The following NFATC2 variants were observed in gnomAD, a reference collection of about 807,000 sequenced individuals.
The protein encoded by NFATC2 is nuclear factor of activated T-cells, cytoplasmic 2.
A neutral mutation model predicts 87.3 loss-of-function variants in NFATC2; 22 were observed. The observed-to-expected ratio is 0.25, with a 90% confidence interval of 0.18 to 0.36. NFATC2 has a LOEUF of 0.36. Among genes scored for constraint, NFATC2 ranks in the 10% least tolerant of loss-of-function variants. The probability of loss-of-function intolerance (pLI) is 1.00; values close to 1 mark genes in which losing one functional copy is unlikely to be tolerated. For missense variants in NFATC2, 1,149 were observed against 1,259.1 expected (o/e 0.91, Z 1.32); for synonymous variants, 565 against 542.2 (o/e 1.04, Z -0.58).
chr20:51,540,510 G>A (rs754796272), intron 1 of NFATC2, among the ~76,000 whole-genome samples: 1 of 152,094 alleles, frequency 6.6e-6, no homozygotes, highest in Non-Finnish European at 1.5e-5. Flanking sequence ...GTCAATATTG[G>A]TTTGTTGGTT....
intron 3 of NFATC2, among the ~76,000 whole-genome samples, chr20:51,501,714 G>C (rs2076092299): frequency 6.6e-6 from 1 of 152,138 alleles, no homozygotes; most frequent in Admixed American, 6.5e-5. Context: ...ACAGATTGTG[G>C]AATTACTGAT....
chr20:51,391,823 T>C (rs1986387328), intron 10 of NFATC2, among the ~76,000 whole-genome samples: 2 of 152,138 alleles, frequency 1.3e-5, no homozygotes, highest in African/African-American at 4.8e-5. Flanking sequence ...TCTCTATTTT[T>C]TTTAAATACT....
intron 1 of NFATC2, among the ~76,000 whole-genome samples, chr20:51,538,713 C>T (rs947239828): frequency 3.3e-5 from 5 of 152,188 alleles, no homozygotes; most frequent in Non-Finnish European, 7.3e-5. Flanking sequence ...CAAGGGTTTA[C>T]TAAACCACTA....
At chr20:51,556,791 A>G (rs1357539396) in intron 1 of NFATC2, among the ~76,000 whole-genome samples, 1 of 152,178 alleles carries the variant, frequency 6.6e-6, no homozygotes, top group Non-Finnish European at 1.5e-5. Context: ...CCGGAGTGTC[A>G]GGGGAAAGAA....
At chr20:51,550,506 G>A (rs1004298783) in intron 1 of NFATC2, among the ~76,000 whole-genome samples, 17 of 152,034 alleles carry the variant, frequency 1.1e-4, no homozygotes, top group African/African-American at 4.1e-4. Context: ...CAGGAGAATC[G>A]CTTGAACCTG....
chr20:51,543,309 C>T (rs886910913), upstream of NFATC2, among the ~76,000 whole-genome samples: 2 of 152,170 alleles, frequency 1.3e-5, no homozygotes, highest in African/African-American at 4.8e-5. Flanking sequence ...CTGTTGCCCT[C>T]GGAAGCTCAG....
intron 1 of NFATC2, among the ~76,000 whole-genome samples, chr20:51,541,960 T>A (rs1346194036): frequency 6.6e-6 from 1 of 151,990 alleles, no homozygotes; most frequent in Non-Finnish European, 1.5e-5. Flanking sequence ...TTTTGGCAAC[T>A]CCTCCCTGCT....
At chr20:51,417,437 C>G (rs1289934816) in intron 9 of NFATC2, among the ~76,000 whole-genome samples, 1 of 152,154 alleles carries the variant, frequency 6.6e-6, no homozygotes, top group Non-Finnish European at 1.5e-5. Context: ...TCCACACAAA[C>G]CACGTTTCCT....
chr20:51,556,852 C>T (rs372248529), intron 1 of NFATC2, among the ~76,000 whole-genome samples: 2 of 152,100 alleles, frequency 1.3e-5, no homozygotes, highest in African/African-American at 2.4e-5. Flanking sequence ...AAAGGAGCCC[C>T]GGATAGGTCC....
chr20:51,428,648 G>A (rs1331422984), intron 9 of NFATC2, among the ~76,000 whole-genome samples: 2 of 152,180 alleles, frequency 1.3e-5, no homozygotes, highest in Admixed American at 6.5e-5. Context: ...AGAGCCGGGG[G>A]CTTCCCTGGA....
At chr20:51,431,487 G>A (rs112757731) in intron 9 of NFATC2, among the ~76,000 whole-genome samples, 102 of 152,246 alleles carry the variant, frequency 6.7e-4, no homozygotes, top group African/African-American at 2.2e-3. Flanking sequence ...TCACCACAGC[G>A]GAAGCCCACT....
At chr20:51,396,033 AGTAT>A (rs1331304403) in intron 10 of NFATC2, among the ~76,000 whole-genome samples, 559 of 46,210 alleles carry the variant, frequency 0.012, 29 homozygotes, top group African/African-American at 0.07. Flanking sequence ...GTCAGCTCCT[AGTAT>A]GTATATATAT....
Position 51,408,512 on chromosome 20 carries a change from T to TAAAA in NFATC2, c.2723-9786_2723-9783dup, listed in dbSNP as rs11480882. Among the ~76,000 whole-genome samples the TAAAA allele has an allele frequency of 1.1e-3, 155 of 137,254 alleles. 3 individuals carry two copies. Among genetic ancestry groups the TAAAA allele is most frequent in the East Asian group, 5.6e-3 (27 of 4,850 alleles). The allele number at this position is 137,254 out of a possible 152,430, so 90.0% of individuals were successfully genotyped here. A position where few individuals can be genotyped will look rare whatever the true frequency, so the allele number is the denominator to read the frequency against. ...CTGGGGGACTGAGCAAGACTCTTTT[T>TAAAA]AAAAAAAAAAAAAAAAAAAGCCAGA... On this transcript the variant is annotated intron_variant, in intron 9 of 10. Transcript: ENST00000371564.
chr20:51,556,055 T>A (rs1192611874), intron 1 of NFATC2, among the ~76,000 whole-genome samples: 1 of 152,022 alleles, frequency 6.6e-6, no homozygotes, highest in Non-Finnish European at 1.5e-5. Flanking sequence ...AGAAGAGGAA[T>A]CAACGCACAT....
At position 51,458,929 on chromosome 20, in the gene NFATC2, T is replaced by G. The variant is rs6096440; in HGVS notation, c.1709-4241A>C. The stretch of plus-strand genomic sequence containing the variant: ...AGCTGCAAGAGAATACATCATTAAC[T>G]GCTGCTTGGGCTCCGGGGTCAGAAA... On this transcript the variant is annotated intron_variant, in intron 5 of 10. Transcript: ENST00000371564. 9.0e-3 allele frequency among the ~76,000 whole-genome samples: 1,374 copies of G among 152,306 alleles called. 26 individuals are homozygous for G. The highest frequency in any genetic ancestry group is 0.031 in the African/African-American group (1,281 of 41,552).
At chr20:51,440,227 A>G (rs1984133379) in intron 6 of NFATC2, among the ~76,000 whole-genome samples, 1 of 101,612 alleles carries the variant, frequency 9.8e-6, no homozygotes, top group African/African-American at 4.1e-5. Context: ...CAAGAGCAAA[A>G]CTCCATCTCA....
At position 51,394,912 on chromosome 20, in the gene NFATC2, G is replaced by C. The variant is rs144607165; in HGVS notation, c.*45-3461C>G. ...CATTCCTGCCATGGTGCCCTCACTC[G>C]CTCCAAAAGCAAGTACTAAATTTCC... On this transcript the variant is annotated intron_variant, in intron 10 of 10. Coordinates refer to ENST00000371564, the MANE Select transcript of NFATC2 (RefSeq NM_012340.5). Among the ~76,000 whole-genome samples the C allele has an allele frequency of 2.2e-3, 334 of 152,196 alleles. 5 individuals are homozygous for C. The highest frequency in any genetic ancestry group is 0.018 in the Admixed American group (279 of 15,302).
intron 5 of NFATC2, among the ~76,000 whole-genome samples, chr20:51,457,830 GC>G (rs1300137694): frequency 6.6e-6 from 1 of 151,348 alleles, no homozygotes; most frequent in Non-Finnish European, 1.5e-5. Flanking sequence ...TTCAGCCCTG[GC>G]CAATTAGAAT....
chr20:51,497,296 C>G (rs141502643), intron 3 of NFATC2, among the ~76,000 whole-genome samples: 44 of 152,308 alleles, frequency 2.9e-4, no homozygotes, highest in Non-Finnish European at 5.4e-4. Flanking sequence ...TCATTCTTCT[C>G]CCTCCCGCAG....
Sources: allele counts gnomAD v4.1 joint callset (sites outside exome capture counted in the v4.1 genomes callset), GRCh38; gene constraint gnomAD v4.1.1; transcripts MANE v1.5; gene names NCBI Gene and HGNC (gene_info 2026-07-23, HGNC 2026-07-21).